UGT2B28: variants seen among roughly 807,000 people sequenced by gnomAD.
UGT2B28 encodes the protein UDP-glucuronosyltransferase 2B28.
Under a neutral mutation model 43.6 loss-of-function variants are expected in UGT2B28, and 45 were observed. The ratio of observed to expected loss-of-function variants is 1.03; its 90% confidence interval spans 0.81 to 1.32. The LOEUF (loss-of-function observed/expected upper bound fraction) is 1.32, where lower values mean the gene tolerates loss of function less well. UGT2B28 is among the 40% of genes most tolerant of loss of function. The pLI is 0.00. For missense variants in UGT2B28, 649 were observed against 625.5 expected (o/e 1.04, Z -0.40); for synonymous variants, 204 against 208.1 (o/e 0.98, Z 0.17).
chr4:69,284,763 T>G (rs758597171), intron 2 of UGT2B28, among the ~76,000 whole-genome samples: 2 of 141,306 alleles, frequency 1.4e-5, no homozygotes, highest in Admixed American at 7.1e-5. Context: ...CTGTTTATTA[T>G]GTAAAATAAC....
Position 69,289,899 on chromosome 4 carries a change from G to C in UGT2B28, c.1090+147G>C, listed in dbSNP as rs373642923. 2.3e-5 allele frequency: 20 copies of C among 853,222 alleles called. 4 individuals carry two copies. In the African/African-American group the frequency reaches 4.1e-4, roughly 17 times the overall value. The allele number at this position is 853,222 out of a possible 1,614,324, so 52.9% of individuals were successfully genotyped here. ...TTTATTTTCCAGTCCTAGGGGAAAA[G>C]AATATGGTAGAATTGCTGGCATTTT... On this transcript the variant is annotated intron_variant, in intron 4 of 5. Transcript: ENST00000335568.
intron 5 of UGT2B28, among the ~76,000 whole-genome samples, chr4:69,293,381 G>T (rs1724007639): frequency 7.2e-6 from 1 of 139,792 alleles, no homozygotes; most frequent in Non-Finnish European, 1.5e-5. Context: ...TTCCATTTTT[G>T]AACTATTCAC....
intron 1 of UGT2B28, among the ~76,000 whole-genome samples, chr4:69,281,543 A>G (rs536167839): frequency 7.1e-6 from 1 of 141,148 alleles, no homozygotes; most frequent in African/African-American, 2.8e-5. Flanking sequence ...AAATCCATCA[A>G]GTAACATCTT....
chr4:69,283,282 T>C (rs1420396365), intron 2 of UGT2B28, among the ~76,000 whole-genome samples: 2 of 139,394 alleles, frequency 1.4e-5, no homozygotes, highest in Non-Finnish European at 3.1e-5. Context: ...GTTTTGTTTT[T>C]AGGGAATGAT....
intron 5 of UGT2B28, among the ~76,000 whole-genome samples, chr4:69,291,184 T>C (rs1723945873): frequency 7.1e-6 from 1 of 140,740 alleles, no homozygotes; most frequent in Non-Finnish European, 1.5e-5. Context: ...ACTATTTTCT[T>C]GCTGAAAAAT....
intron 5 of UGT2B28, among the ~76,000 whole-genome samples, 157 bp downstream of exon 5, chr4:69,290,968 A>T (rs1723939045): frequency 7.1e-6 from 1 of 140,574 alleles, no homozygotes; most frequent in South Asian, 2.4e-4. Flanking sequence ...TCTGTTATTT[A>T]AAAATTGTGC....
intron 5 of UGT2B28, 127 bp from the exon 6 acceptor site, chr4:69,294,403 A>G: frequency 9.5e-7 from 1 of 1,054,086 alleles, no homozygotes; most frequent in Non-Finnish European, 1.2e-6. Context: ...TAAAATACAC[A>G]AATTCTCTGT....
chr4:69,293,930 A>G lies in UGT2B28; in HGVS notation c.1311-600A>G, dbSNP rs1351991861. Among the ~76,000 whole-genome samples, 4 of 140,440 alleles carry G rather than the reference A, an allele frequency of 2.8e-5. 1 individual carries two copies. Among genetic ancestry groups the G allele is most frequent in the East Asian group, 4.1e-4 (2 of 4,910 alleles). 92.1% of individuals were successfully genotyped at this position (140,440 alleles called of 152,430 possible). A position where few individuals can be genotyped will look rare whatever the true frequency, so the allele number is the denominator to read the frequency against. On this transcript the variant is annotated intron_variant, in intron 5 of 5. Coordinates refer to ENST00000335568, the MANE Select transcript of UGT2B28 (RefSeq NM_053039.2). ...CAGTAGGAAACAAAAGAGTAATGTAAAAGCAAAGTGACAAGCCATGAGGTA... is the reference window on the plus strand; with the variant it reads ...CAGTAGGAAACAAAAGAGTAATGTAGAAGCAAAGTGACAAGCCATGAGGTA...
rs1361068850 is a variant in UGT2B28, at chr4:69,287,389, G to GAGTGA, written c.1002+509_1002+513dup. Reference sequence around the variant, plus strand: ...TTTCCTAATCTCAGCAGTATCTAATGAGTGAAGAAGATTTGACTTACTCTT... The same window carrying GAGTGA: ...TTTCCTAATCTCAGCAGTATCTAATGAGTGAAGTGAAGAAGATTTGACTTACTCTT... On this transcript the variant is annotated intron_variant, in intron 3 of 5. Transcript: ENST00000335568. Among the ~76,000 whole-genome samples, 2 of 140,590 alleles carry GAGTGA rather than the reference G, an allele frequency of 1.4e-5. 1 individual carries two copies. The highest frequency in any genetic ancestry group is 4.1e-4 in the East Asian group (2 of 4,920). The allele number at this position is 140,590 out of a possible 152,430, so 92.2% of individuals were successfully genotyped here. A position where few individuals can be genotyped will look rare whatever the true frequency, so the allele number is the denominator to read the frequency against.
rs376233291 is a variant in UGT2B28, at chr4:69,286,078, G to A, written c.871-674G>A. Among the ~76,000 whole-genome samples, 52 of 141,558 alleles carry A rather than the reference G, an allele frequency of 3.7e-4. 9 individuals carry two copies. The highest frequency in any genetic ancestry group is 1.3e-3 in the African/African-American group (47 of 36,392). 92.9% of individuals were successfully genotyped at this position (141,558 alleles called of 152,430 possible). A position where few individuals can be genotyped will look rare whatever the true frequency, so the allele number is the denominator to read the frequency against. ...TGATAAATGAGACTCTCAAGACTGA[G>A]TCATAAAAATTCCAAATCACAATAC... On this transcript the variant is annotated intron_variant, in intron 2 of 5. Coordinates refer to ENST00000335568, the MANE Select transcript of UGT2B28 (RefSeq NM_053039.2).
At chr4:69,289,623 G>A in intron 3 of UGT2B28, 42 bp from the exon 4 acceptor site, 1 of 1,472,324 alleles carries the variant, frequency 6.8e-7, no homozygotes, top group Non-Finnish European at 9.1e-7. Context: ...TATAATTTTT[G>A]AGTTCCACTC....
chr4:69,289,783 A>G (rs1723893989), intron 4 of UGT2B28, 31 bp downstream of exon 4: 1 of 1,467,052 alleles, frequency 6.8e-7, no homozygotes, highest in African/African-American at 1.6e-5. Context: ...TACTGGATAT[A>G]TTAGTAACTG....
chr4:69,280,975 C>A lies in UGT2B28; in HGVS notation c.475C>A (p.Leu159Met). ...AGATGCTTTTTTTCCTTGTGGTGAG[C>A]TGCTGGCTGCGCTACTTAACATACC... ...FADAFFPCGE[L>M]LAALLNIPFV... The change falls in exon 1 of 6, where the codon CTG (leucine) becomes ATG (methionine). Residue 159 changes from leucine (L) to methionine (M), a missense_variant. Physicochemically the swap from Leu to Met is conservative, Grantham distance 15 (BLOSUM62 2). Transcript: ENST00000335568. 6.4e-7 allele frequency: 1 copy of A among 1,559,858 alleles called. No homozygotes were observed. The highest frequency in any genetic ancestry group is 1.2e-5 in the South Asian group (1 of 84,324).
At position 69,282,779 on chromosome 4, in the gene UGT2B28, T is replaced by C. The variant is rs1377045535; in HGVS notation, c.870+117T>C. 1.4e-6 allele frequency: 2 copies of C among 1,405,728 alleles called. 1 individual carries two copies. Among genetic ancestry groups the C allele is most frequent in the Non-Finnish European group, 1.9e-6 (2 of 1,070,110 alleles). The allele number at this position is 1,405,728 out of a possible 1,614,324, so 87.1% of individuals were successfully genotyped here. On this transcript the variant is annotated intron_variant, in intron 2 of 5. Coordinates refer to ENST00000335568, the MANE Select transcript of UGT2B28 (RefSeq NM_053039.2). ...TGAAAGAAAGATGGGAAGTAGGTGG[T>C]GTAAAGCAGATACCAAATAGAAACT... is the stretch of plus-strand genomic sequence containing the variant.
intron 3 of UGT2B28, among the ~76,000 whole-genome samples, chr4:69,288,552 A>G (rs1411120558): frequency 7.1e-6 from 1 of 140,024 alleles, no homozygotes; most frequent in African/African-American, 2.8e-5. Context: ...AATTTTTTAT[A>G]CTTTTTTTAT....
Position 69,286,884 on chromosome 4 carries a change from G to C in UGT2B28, c.1002+1G>C. The C allele has an allele frequency of 6.5e-7, 1 of 1,548,174 alleles. No homozygotes were observed. Among genetic ancestry groups the C allele is most frequent in the Non-Finnish European group, 8.7e-7 (1 of 1,149,606 alleles). On this transcript the variant is annotated splice_donor_variant, in intron 3 of 5. Coordinates refer to ENST00000335568, the MANE Select transcript of UGT2B28 (RefSeq NM_053039.2). LOFTEE classifies it high-confidence loss of function. ...AGCCCTTGCCAAGATCCCACAAAAGGTAAGATAAAGTGCCTTACTGGTGTG... is the reference window on the plus strand; with the variant it reads ...AGCCCTTGCCAAGATCCCACAAAAGCTAAGATAAAGTGCCTTACTGGTGTG...
intron 5 of UGT2B28, 31 bp from the exon 6 acceptor site, chr4:69,294,499 C>G: frequency 6.7e-7 from 1 of 1,497,280 alleles, no homozygotes; most frequent in South Asian, 1.4e-5. Flanking sequence ...AACTTACTTT[C>G]AGTGTTGGTA....
Position 69,285,647 on chromosome 4 carries a change from C to T in UGT2B28, c.871-1105C>T. Among the ~76,000 whole-genome samples the T allele has an allele frequency of 1.4e-5, 2 of 141,382 alleles. 1 individual carries two copies. 92.8% of individuals were successfully genotyped at this position (141,382 alleles called of 152,430 possible). ...ACGTGGTGCACTGTTCACATTTAGA[C>T]ATTTTTTTCTTTGTTTTGTTAAAAA... On this transcript the variant is annotated intron_variant, in intron 2 of 5. Coordinates refer to ENST00000335568, the MANE Select transcript of UGT2B28 (RefSeq NM_053039.2).
intron 5 of UGT2B28, among the ~76,000 whole-genome samples, chr4:69,293,855 C>G (rs1724024968): frequency 7.1e-6 from 1 of 139,984 alleles, no homozygotes; most frequent in African/African-American, 2.8e-5. Context: ...AGAAGAGTGC[C>G]ATAATCTGAC....
Sources: allele counts gnomAD v4.1 joint callset (sites outside exome capture counted in the v4.1 genomes callset), GRCh38; gene constraint gnomAD v4.1.1; transcripts MANE v1.5; gene names NCBI Gene and HGNC (gene_info 2026-07-23, HGNC 2026-07-21).